Variants in DPY19L1 observed in about 807,000 individuals in gnomAD.
The protein encoded by DPY19L1 is protein C-mannosyl-transferase DPY19L1.
A neutral mutation model predicts 96.9 loss-of-function variants in DPY19L1; 35 were observed. The ratio of observed to expected loss-of-function variants is 0.36; its 90% CI spans 0.28 to 0.48. DPY19L1 has a LOEUF of 0.48. Ranked by LOEUF, DPY19L1 falls within the 20% of genes least tolerant of loss-of-function variation. The pLI is 0.99. For missense variants in DPY19L1, 521 were observed against 777.9 expected (o/e 0.67, Z 3.93); for synonymous variants, 205 against 252.6 (o/e 0.81, Z 1.79).
intron 21 of DPY19L1, among the ~76,000 whole-genome samples, chr7:34,937,593 A>G (rs1355813661): frequency 6.6e-6 from 1 of 152,222 alleles, no homozygotes. Flanking sequence ...TAAAAAAAAA[A>G]GATATTTATA....
chr7:35,017,777 T>C, intron 3 of DPY19L1, 105 bp downstream of exon 3: 1 of 801,694 alleles, frequency 1.2e-6, no homozygotes, highest in Non-Finnish European at 1.9e-6. Flanking sequence ...AGGTGGAGCA[T>C]CTACTCTTTC....
chr7:35,025,649 A>G (rs1252413878), intron 1 of DPY19L1, among the ~76,000 whole-genome samples: 1 of 152,194 alleles, frequency 6.6e-6, no homozygotes, highest in African/African-American at 2.4e-5. Flanking sequence ...TACTGATGAT[A>G]TAGAATATGA....
chr7:34,957,968 G>A lies in DPY19L1; in HGVS notation c.1179+16C>T, dbSNP rs1784414046. The A allele has an allele frequency of 6.6e-7, 1 of 1,514,104 alleles. No homozygotes were observed. Among genetic ancestry groups the A allele is most frequent in the Non-Finnish European group, 9.0e-7 (1 of 1,110,784 alleles). 93.8% of individuals were successfully genotyped at this position (1,514,104 alleles called of 1,614,324 possible). On this transcript the variant is annotated intron_variant, in intron 11 of 21. Coordinates refer to ENST00000638088, the MANE Select transcript of DPY19L1 (RefSeq NM_001366673.1). ...TAGTTTCAAAAACAGCCATATAAGTGTTAAGGAATACTTACCCAAATAATT... is the reference window on the plus strand; with the variant it reads ...TAGTTTCAAAAACAGCCATATAAGTATTAAGGAATACTTACCCAAATAATT...
intron 7 of DPY19L1, among the ~76,000 whole-genome samples, chr7:34,982,549 A>G (rs7793001): frequency 2.6e-5 from 4 of 152,100 alleles, no homozygotes; most frequent in African/African-American, 9.7e-5. Context: ...CTGCCTTTTT[A>G]GTACAAGATT....
chr7:34,970,845 GAA>G (rs3048603), intron 8 of DPY19L1, among the ~76,000 whole-genome samples: 62 of 106,658 alleles, frequency 5.8e-4, no homozygotes, highest in East Asian at 1.1e-3. Context: ...TGCCAAGAAT[GAA>G]AAAAAAAAAA....
chr7:34,971,766 A>G (rs998348757), intron 8 of DPY19L1, among the ~76,000 whole-genome samples: 1 of 152,182 alleles, frequency 6.6e-6, no homozygotes, highest in Non-Finnish European at 1.5e-5. Flanking sequence ...GAAGAACCCA[A>G]CAGAAGGCAG....
At chr7:34,971,800 C>T (rs2128668281) in intron 8 of DPY19L1, among the ~76,000 whole-genome samples, 1 of 152,278 alleles carries the variant, frequency 6.6e-6, no homozygotes, top group South Asian at 2.1e-4. Flanking sequence ...GAAACAGCAA[C>T]TGAAGAGGCC....
intron 1 of DPY19L1, among the ~76,000 whole-genome samples, chr7:35,023,997 G>A (rs564913820): frequency 9.5e-4 from 144 of 151,496 alleles, no homozygotes; most frequent in African/African-American, 3.3e-3. Context: ...CACCACACCC[G>A]GCTAATTTTT....
rs540247585 is a variant in DPY19L1 at position 35,018,422 on chromosome 7, CAATT to C, written c.323+146_323+149del. On this transcript the variant is annotated intron_variant, in intron 2 of 21. Transcript: ENST00000638088. ...TTATATTATTCTGACCCTGATTTAT[CAATT>C]AAACTAGTTTTTCAGACTATTGTGT... is the stretch of plus-strand genomic sequence containing the variant. 1.4e-3 allele frequency: 920 copies of C among 676,682 alleles called. 3 individuals carry two copies. The highest frequency in any genetic ancestry group is 1.7e-3 in the Non-Finnish European group (692 of 400,738). 41.9% of individuals were successfully genotyped at this position (676,682 alleles called of 1,614,324 possible). A position where few individuals can be genotyped will look rare whatever the true frequency, so the allele number is the denominator to read the frequency against.
At chr7:34,980,148 G>A (rs1443015199) in intron 7 of DPY19L1, among the ~76,000 whole-genome samples, 1 of 152,020 alleles carries the variant, frequency 6.6e-6, no homozygotes, top group Admixed American at 6.6e-5. Flanking sequence ...ACAATTCAGC[G>A]GGGAAAAATC....
At chr7:34,957,239 G>C (rs1430718126) in intron 11 of DPY19L1, among the ~76,000 whole-genome samples, 1 of 152,016 alleles carries the variant, frequency 6.6e-6, no homozygotes, top group Admixed American at 6.6e-5. Flanking sequence ...AAAACTAGCC[G>C]GGCATGGTGG....
rs528526552 is a variant in DPY19L1, at chr7:35,029,548, G to A, written c.298+7549C>T. ...TCCCCTCAAATTGCAAGCTTCCCCT[G>A]GGTATCACAAATCTTGCTTATCTTT... On this transcript the variant is annotated intron_variant, in intron 1 of 21. Transcript: ENST00000638088. Among the ~76,000 whole-genome samples, 4 of 152,252 alleles carry A rather than the reference G, an allele frequency of 2.6e-5. 1 individual carries two copies. In the South Asian group the frequency reaches 8.3e-4, roughly 32 times the overall value.
At chr7:35,008,830 T>C (rs535672192) in intron 6 of DPY19L1, among the ~76,000 whole-genome samples, 10 of 152,312 alleles carry the variant, frequency 6.6e-5, no homozygotes, top group Admixed American at 3.9e-4. Flanking sequence ...CATAGACAGA[T>C]GGGCAGTACT....
chr7:35,026,042 A>C (rs1786112006), intron 1 of DPY19L1, among the ~76,000 whole-genome samples: 1 of 152,216 alleles, frequency 6.6e-6, no homozygotes, highest in African/African-American at 2.4e-5. Flanking sequence ...GAGGTGTCTG[A>C]GTATAAATCC....
At chr7:35,033,473 A>C (rs1340688025) in intron 1 of DPY19L1, among the ~76,000 whole-genome samples, 3 of 152,236 alleles carry the variant, frequency 2.0e-5, no homozygotes, top group Admixed American at 1.3e-4. Context: ...ATGATATGGT[A>C]TGACTGACTA....
intron 6 of DPY19L1, among the ~76,000 whole-genome samples, chr7:35,008,056 A>G (rs1260796977): frequency 2.0e-5 from 3 of 151,900 alleles, no homozygotes; most frequent in Non-Finnish European, 4.4e-5. Context: ...TCCACATACT[A>G]GATTTTGGCC....
chr7:34,973,382 C>T (rs1784767295), intron 8 of DPY19L1, 132 bp downstream of exon 8: 2 of 474,736 alleles, frequency 4.2e-6, no homozygotes, highest in African/African-American at 2.0e-5. Flanking sequence ...AAGTTACACT[C>T]TTATAATATT....
At chr7:35,024,136 G>A (rs547139969) in intron 1 of DPY19L1, among the ~76,000 whole-genome samples, 5 of 152,092 alleles carry the variant, frequency 3.3e-5, no homozygotes, top group East Asian at 1.9e-4. Flanking sequence ...GCACCCGGCC[G>A]AAGAAATGTA....
intron 6 of DPY19L1, among the ~76,000 whole-genome samples, chr7:34,991,133 ACACAGCCACT>A (rs1785158667): frequency 6.6e-6 from 1 of 152,238 alleles, no homozygotes; most frequent in Non-Finnish European, 1.5e-5. Flanking sequence ...AGAGCAGAAG[ACACAGCCACT>A]CGCTGCCAGA....
Sources: allele counts gnomAD v4.1 joint callset (sites outside exome capture counted in the v4.1 genomes callset), GRCh38; gene constraint gnomAD v4.1.1; transcripts MANE v1.5; gene names NCBI Gene and HGNC (gene_info 2026-07-23, HGNC 2026-07-21).